Variants in RBFOX1 observed in about 807,000 individuals in gnomAD.
RBFOX1 encodes RNA binding fox-1 homolog 1, also known as RNA binding protein fox-1 homolog 1.
In RBFOX1, 8 loss-of-function variants were observed where a neutral mutation model predicts 57.7. That is an observed-to-expected ratio of 0.14 (90% CI 0.08 to 0.25). RBFOX1 has a LOEUF of 0.25. Among genes scored for constraint, RBFOX1 ranks in the 10% least tolerant of loss-of-function variants. RBFOX1 has a pLI of 1.00. For synonymous variants in RBFOX1, 326 were observed against 222.4 expected (o/e 1.47, Z -4.15); for missense variants, 611 against 548.5 (o/e 1.11, Z -1.14).
At chr16:6,372,911 GT>G (rs1177309866) in intron 2 of RBFOX1, among the ~76,000 whole-genome samples, 1 of 151,654 alleles carries the variant, frequency 6.6e-6, no homozygotes, top group Non-Finnish European at 1.5e-5. Context: ...TGGAAGCGTA[GT>G]TGGTTAGGAT....
intron 5 of RBFOX1, among the ~76,000 whole-genome samples, chr16:7,567,637 C>T (rs1343247404): frequency 9.1e-5 from 6 of 65,826 alleles, no homozygotes; most frequent in Non-Finnish European, 1.3e-4. Context: ...ATATATATAT[C>T]CCTATATATG....
intron 2 of RBFOX1, among the ~76,000 whole-genome samples, chr16:6,330,482 A>G (rs2082883603): frequency 6.6e-6 from 1 of 152,212 alleles, no homozygotes; most frequent in Non-Finnish European, 1.5e-5. Flanking sequence ...GTGAGGAATC[A>G]GAATAGGGCC....
At chr16:6,904,797 C>T (rs188571515) in intron 3 of RBFOX1, among the ~76,000 whole-genome samples, 15 of 152,080 alleles carry the variant, frequency 9.9e-5, no homozygotes, top group African/African-American at 3.6e-4. Context: ...TTACACAAAG[C>T]TGGAGGAGAA....
At chr16:7,029,474 G>C (rs2042238679) in intron 3 of RBFOX1, among the ~76,000 whole-genome samples, 1 of 151,654 alleles carries the variant, frequency 6.6e-6, no homozygotes, top group Non-Finnish European at 1.5e-5. Context: ...AATAGAGTTT[G>C]GTTTAGGTGA....
At chr16:7,258,961 C>T (rs568623622) in intron 4 of RBFOX1, among the ~76,000 whole-genome samples, 21 of 152,304 alleles carry the variant, frequency 1.4e-4, no homozygotes, top group African/African-American at 4.8e-4. Flanking sequence ...CCTGTTTCAC[C>T]TATGACATAT....
chr16:5,408,061 A>C (rs905411563), intron 1 of RBFOX1, among the ~76,000 whole-genome samples: 1 of 149,544 alleles, frequency 6.7e-6, no homozygotes, highest in African/African-American at 2.5e-5. Flanking sequence ...GATGTGTTTA[A>C]TTCGGTTGCT....
At chr16:7,200,794 T>C (rs891859370) in intron 4 of RBFOX1, among the ~76,000 whole-genome samples, 2 of 152,290 alleles carry the variant, frequency 1.3e-5, no homozygotes, top group South Asian at 4.1e-4. Flanking sequence ...TAATAGGGAC[T>C]AACTCATCGT....
At chr16:6,555,821 C>G (rs779125010) in intron 2 of RBFOX1, among the ~76,000 whole-genome samples, 1 of 152,182 alleles carries the variant, frequency 6.6e-6, no homozygotes, top group Non-Finnish European at 1.5e-5. Context: ...CTTGCCTATT[C>G]TAGACATTTT....
intron 3 of RBFOX1, among the ~76,000 whole-genome samples, chr16:6,966,968 A>G (rs949888487): frequency 2.0e-5 from 3 of 151,972 alleles, no homozygotes; most frequent in African/African-American, 7.3e-5. Flanking sequence ...TTGCCTATAT[A>G]GACATTCATC....
At chr16:5,396,151 T>C (rs747921873) in intron 1 of RBFOX1, among the ~76,000 whole-genome samples, 6 of 152,180 alleles carry the variant, frequency 3.9e-5, no homozygotes, top group Non-Finnish European at 7.3e-5. Flanking sequence ...AGTAACTAAC[T>C]CAATGGGCAT....
chr16:7,013,171 G>C (rs750072833), intron 3 of RBFOX1, among the ~76,000 whole-genome samples: 5 of 152,178 alleles, frequency 3.3e-5, no homozygotes, highest in Non-Finnish European at 7.3e-5. Context: ...GTAATGCTCT[G>C]ATACTCATTG....
chr16:5,678,247 C>A (rs763150082), intron 3 of RBFOX1, among the ~76,000 whole-genome samples: 1 of 152,148 alleles, frequency 6.6e-6, no homozygotes, highest in Non-Finnish European at 1.5e-5. Flanking sequence ...GGAGCACCAG[C>A]CAGTCAGTGT....
intron 3 of RBFOX1, among the ~76,000 whole-genome samples, chr16:5,836,107 G>T (rs932568043): frequency 6.6e-6 from 1 of 152,208 alleles, no homozygotes; most frequent in Non-Finnish European, 1.5e-5. Flanking sequence ...TTAGTCGTGA[G>T]GCTGTGCAGT....
intron 2 of RBFOX1, among the ~76,000 whole-genome samples, chr16:6,490,553 T>C (rs1377771138): frequency 3.3e-5 from 5 of 152,204 alleles, no homozygotes; most frequent in African/African-American, 1.2e-4. Context: ...GGTATCTGCT[T>C]ACTATTTATT....
Position 6,231,831 on chromosome 16 carries a change from G to GTTT in RBFOX1, c.-126-85145_-126-85143dup, listed in dbSNP as rs34438828. ...ATTGGAAAAATTCTGTAGCTTTCCAGTTTTTTTTTTTTTTTTTTTTTGTCC... is the reference window on the plus strand; with the variant it reads ...ATTGGAAAAATTCTGTAGCTTTCCAGTTTTTTTTTTTTTTTTTTTTTTTTGTCC... On this transcript the variant is annotated intron_variant, in intron 1 of 15. Transcript: ENST00000550418. 3.3e-4 allele frequency among the ~76,000 whole-genome samples: 41 copies of GTTT among 123,576 alleles called. 1 individual carries two copies. Among genetic ancestry groups the GTTT allele is most frequent in the East Asian group, 8.9e-4 (4 of 4,508 alleles). 81.1% of individuals were successfully genotyped at this position (123,576 alleles called of 152,430 possible). A position where few individuals can be genotyped will look rare whatever the true frequency, so the allele number is the denominator to read the frequency against.
intron 2 of RBFOX1, among the ~76,000 whole-genome samples, chr16:6,557,204 G>A (rs1021042813): frequency 1.1e-4 from 17 of 148,720 alleles, no homozygotes; most frequent in Non-Finnish European, 2.2e-4. Flanking sequence ...AAGTGGGAAA[G>A]AACAATCTGG....
chr16:6,889,145 C>T (rs957297986), intron 3 of RBFOX1, among the ~76,000 whole-genome samples: 1 of 152,200 alleles, frequency 6.6e-6, no homozygotes, highest in Non-Finnish European at 1.5e-5. Context: ...CAATCTATTA[C>T]TGTAACATTC....
intron 4 of RBFOX1, among the ~76,000 whole-genome samples, chr16:7,169,603 C>A (rs540418010): frequency 1.4e-4 from 21 of 152,292 alleles, no homozygotes; most frequent in Non-Finnish European, 2.2e-4. Context: ...CAGGTAGGTG[C>A]ATTATCAGTC....
At chr16:6,953,586 C>G (rs1224740984) in intron 3 of RBFOX1, among the ~76,000 whole-genome samples, 1 of 152,078 alleles carries the variant, frequency 6.6e-6, no homozygotes, top group Non-Finnish European at 1.5e-5. Context: ...GGGGTTTTGC[C>G]ATGTTGGCCA....
Sources: gnomAD v4.1 joint callset for allele counts (sites outside exome capture counted in the v4.1 genomes callset) on GRCh38, gnomAD v4.1.1 for gene constraint, MANE v1.5 for transcripts, NCBI Gene and HGNC (gene_info 2026-07-23, HGNC 2026-07-21) for gene names.